Variants in RREB1 observed in about 807,000 individuals in gnomAD.
RREB1 encodes the protein ras-responsive element-binding protein 1.
Under a neutral mutation model 117.8 loss-of-function variants are expected in RREB1, and 27 were observed. That is an observed-to-expected ratio of 0.23 (90% CI 0.17 to 0.32). RREB1 has a LOEUF of 0.32. Ranked by LOEUF, RREB1 falls within the 10% of genes least tolerant of loss-of-function variation. RREB1 has a pLI of 1.00. For missense variants in RREB1, 2,577 were observed against 2,378.2 expected, an observed-to-expected ratio of 1.08 and a Z score of -1.74; for synonymous variants, 1,298 against 1,026.7, an observed-to-expected ratio of 1.26 and a Z score of -5.05.
At chr6:7,241,796 G>C (rs1001375200) in intron 11 of RREB1, among the ~76,000 whole-genome samples, 8 of 152,166 alleles carry the variant, frequency 5.3e-5, no homozygotes, top group Admixed American at 2.0e-4. Flanking sequence ...GATCCTCTGA[G>C]GGTATGAAAG....
chr6:7,201,753 A>G (rs1051493199), intron 6 of RREB1, among the ~76,000 whole-genome samples: 11 of 152,130 alleles, frequency 7.2e-5, no homozygotes, highest in African/African-American at 2.2e-4. Context: ...TGGTGTCAGC[A>G]CTTAATTCTT....
intron 1 of RREB1, chr6:7,108,718 TGCCCGGGG>T: frequency 6.8e-6 from 1 of 147,616 alleles, no homozygotes; most frequent in Non-Finnish European, 1.5e-5. Context: ...CGGGGGTGCC[TGCCCGGGG>T]TGCTCGCGCG....
chr6:7,232,596 A>T lies in RREB1; in HGVS notation c.3808+689A>T, dbSNP rs970475142. On this transcript the variant is annotated intron_variant, in intron 10 of 12. Coordinates refer to ENST00000379938, the MANE Select transcript of RREB1 (RefSeq NM_001003699.4). ...CTGGCGCTGGTCCAGGTGAAGCAGG[A>T]AAACAACTCCTTCCTGAGCCCTTCT... Among the ~76,000 whole-genome samples the T allele has an allele frequency of 2.0e-5, 3 of 152,100 alleles. No homozygotes were observed. In the East Asian group the frequency reaches 5.8e-4, roughly 29 times the overall value.
At chr6:7,164,779 G>A (rs1483829959) in intron 1 of RREB1, among the ~76,000 whole-genome samples, 2 of 152,226 alleles carry the variant, frequency 1.3e-5, no homozygotes, top group African/African-American at 4.8e-5. Context: ...GGATTGGGAG[G>A]AAAATCAAAG....
At position 7,247,044 on chromosome 6, in the gene RREB1, G is replaced by T. The variant is rs778290848; in HGVS notation, c.4594G>T (p.Gly1532Trp). The change falls in exon 12 of 13, where the codon GGG (glycine) becomes TGG (tryptophan). Residue 1532 changes from glycine (G) to tryptophan (W), a missense_variant. Physicochemically the swap from Gly to Trp is radical, Grantham distance 184. Coordinates refer to ENST00000379938, the MANE Select transcript of RREB1 (RefSeq NM_001003699.4). The part of the protein sequence containing the change: ...LAEETEGPSD[G>W]ESAAEKRSSE... ...GGAGGAGACGGAGGGCCCCTCCGAC[G>T]GGGAGAGCGCGGCCGAGAAAAGGTC... 2 of 1,613,086 alleles carry T rather than the reference G, an allele frequency of 1.2e-6. No individual in the cohort carries two copies. The highest frequency in any genetic ancestry group is 4.5e-5 in the East Asian group (2 of 44,796).
chr6:7,151,290 A>T (rs948482808), intron 1 of RREB1, among the ~76,000 whole-genome samples: 2 of 152,198 alleles, frequency 1.3e-5, no homozygotes, highest in African/African-American at 4.8e-5. Context: ...GAAGAATTTG[A>T]TCAATTGATT....
intron 1 of RREB1, among the ~76,000 whole-genome samples, chr6:7,159,289 A>G (rs1763534336): frequency 6.6e-6 from 1 of 152,180 alleles, no homozygotes; most frequent in South Asian, 2.1e-4. Context: ...GGACTTCTTT[A>G]CAGAAAACCT....
chr6:7,218,967 GGGCCTCACGGTGGCTCAT>G (rs903966706), intron 8 of RREB1: 1 of 151,738 alleles, frequency 6.6e-6, no homozygotes, highest in African/African-American at 2.4e-5. Flanking sequence ...TAAAATTTTA[GGGCCTCACGGTGGCTCAT>G]GTCTGTAATC....
chr6:7,179,099 G>T (rs1764655288), intron 2 of RREB1, among the ~76,000 whole-genome samples: 1 of 151,914 alleles, frequency 6.6e-6, no homozygotes, highest in African/African-American at 2.4e-5. Flanking sequence ...TTTTCACTTT[G>T]CTTATTATTT....
Position 7,246,952 on chromosome 6 carries a change from C to G in RREB1, c.4502C>G (p.Pro1501Arg). The G allele has an allele frequency of 1.3e-6, 2 of 1,562,858 alleles. No homozygotes were observed. The highest frequency in any genetic ancestry group is 1.7e-6 in the Non-Finnish European group (2 of 1,155,062). Reference protein sequence around the residue: ...QPAPEQEEKPPETPAEVVESA... With the variant: ...QPAPEQEEKPRETPAEVVESA... ...GCCCCTGAACAGGAGGAGAAGCCCC[C>G]CGAGACCCCGGCAGAGGTGGTGGAG... Residue 1501 changes from proline to arginine, a missense_variant, in exon 12 of 13, where the codon CCC (proline) becomes CGC (arginine). Physicochemically the swap from Pro to Arg is moderately radical, Grantham distance 103. Transcript: ENST00000379938.
chr6:7,201,992 A>G (rs1766013782), intron 6 of RREB1, among the ~76,000 whole-genome samples: 4 of 117,956 alleles, frequency 3.4e-5, no homozygotes, highest in African/African-American at 1.0e-4. Context: ...CCTTGGTCAT[A>G]CAGAAGGGCT....
rs1236263326 is a variant in RREB1 at position 7,246,897 on chromosome 6, G to T, written c.4447G>T (p.Ala1483Ser). The change falls in exon 12 of 13, where the codon GCC (alanine) becomes TCC (serine). Residue 1483 changes from alanine (A) to serine (S), a missense_variant. Ala to Ser is a moderately conservative substitution (Grantham distance 99, BLOSUM62 1). Coordinates refer to ENST00000379938, the MANE Select transcript of RREB1 (RefSeq NM_001003699.4). ...GCCCAAGGACGAGAAGGGAGATGGC[G>T]CCAGCACTGCAGAGGAGGGGCCCCA... ...QEPKDEKGDG[A>S]STAEEGPQPA... The T allele has an allele frequency of 6.4e-7, 1 of 1,553,374 alleles. No homozygotes were observed. The highest frequency in any genetic ancestry group is 8.7e-7 in the Non-Finnish European group (1 of 1,148,946).
At chr6:7,215,735 A>C (rs1402405973) in intron 8 of RREB1, 2 of 152,252 alleles carry the variant, frequency 1.3e-5, no homozygotes, top group African/African-American at 4.8e-5. Flanking sequence ...GTCAACACAT[A>C]ATCAATAGAA....
Position 7,250,625 on chromosome 6 carries a change from C to T in RREB1, c.*1657C>T, listed in dbSNP as rs1050970759. The stretch of plus-strand genomic sequence containing the variant: ...TCCCCTGGGGAGGCACCCCTGTACC[C>T]CAGCTTCCTTCCCCTGGCCTTTTCT... On this transcript the variant is annotated 3_prime_UTR_variant, in exon 13 of 13. Coordinates refer to ENST00000379938, the MANE Select transcript of RREB1 (RefSeq NM_001003699.4). 6 of 152,070 alleles carry T rather than the reference C, an allele frequency of 3.9e-5. No individual in the cohort carries two copies. The highest frequency in any genetic ancestry group is 1.4e-4 in the African/African-American group (6 of 41,408). 9.4% of individuals were successfully genotyped at this position (152,070 alleles called of 1,614,324 possible).
intron 8 of RREB1, among the ~76,000 whole-genome samples, chr6:7,222,732 C>T (rs997717100): frequency 1.3e-4 from 19 of 151,836 alleles, no homozygotes; most frequent in African/African-American, 4.1e-4. Flanking sequence ...GAGGCTGAGA[C>T]GGGAGGATTG....
intron 11 of RREB1, 52 bp downstream of exon 11, chr6:7,240,654 G>A (rs373472927): frequency 1.9e-5 from 29 of 1,553,544 alleles, no homozygotes; most frequent in Non-Finnish European, 2.4e-5. Flanking sequence ...AGAGGAGTTC[G>A]GTTAAGAATT....
At position 7,230,132 on chromosome 6, in the gene RREB1, A is replaced by C. The variant is rs1767837154; in HGVS notation, c.2033A>C (p.Tyr678Ser). 1 of 1,604,656 alleles carries C rather than the reference A, an allele frequency of 6.2e-7. No homozygotes were observed. The highest frequency in any genetic ancestry group is 1.1e-5 in the South Asian group (1 of 90,932). ...CCATACCAGTGCAACATCTGCGACTACATCGCCGCCGACAAGGCCGCGCTC... is the reference window on the plus strand; with the variant it reads ...CCATACCAGTGCAACATCTGCGACTCCATCGCCGCCGACAAGGCCGCGCTC... Reference protein sequence around the residue: ...ISPYQCNICDYIAADKAALIR... With the variant: ...ISPYQCNICDSIAADKAALIR... The change falls in exon 10 of 13, where the codon TAC becomes TCC. Residue 678 changes from tyrosine (Y) to serine (S), a missense_variant. Coordinates refer to ENST00000379938, the MANE Select transcript of RREB1 (RefSeq NM_001003699.4).
At chr6:7,175,535 C>T (rs1346116131) in intron 1 of RREB1, among the ~76,000 whole-genome samples, 1 of 152,132 alleles carries the variant, frequency 6.6e-6, no homozygotes, top group African/African-American at 2.4e-5. Flanking sequence ...AGAAAATATG[C>T]CAAGCAGTTG....
At chr6:7,225,766 C>G (rs1378676451) in intron 8 of RREB1, among the ~76,000 whole-genome samples, 2 of 152,042 alleles carry the variant, frequency 1.3e-5, no homozygotes, top group Non-Finnish European at 2.9e-5. Flanking sequence ...GCTGTGGGGC[C>G]TGAGTCACAT....
Sources: gnomAD v4.1 joint callset for allele counts (sites outside exome capture counted in the v4.1 genomes callset) on GRCh38, gnomAD v4.1.1 for gene constraint, MANE v1.5 for transcripts, NCBI Gene and HGNC (gene_info 2026-07-23, HGNC 2026-07-21) for gene names.